Variants in ANKFN1 observed in about 807,000 individuals in gnomAD.
ANKFN1 encodes ankyrin repeat and fibronectin type III domain containing 1, also known as ankyrin repeat and fibronectin type-III domain-containing protein 1.
In ANKFN1, 74 loss-of-function variants were observed where a neutral mutation model predicts 108.7. The observed-to-expected ratio is 0.68, with a 90% CI of 0.56 to 0.83. The LOEUF (loss-of-function observed/expected upper bound fraction) is 0.83. Among genes scored for constraint, ANKFN1 ranks in the 40% least tolerant of loss-of-function variants. The probability of loss-of-function intolerance (pLI) is 0.00; values close to 1 mark genes in which losing one functional copy is unlikely to be tolerated. For synonymous variants in ANKFN1, 547 were observed against 516.2 expected, an observed-to-expected ratio of 1.06 and a Z score of -0.81; for missense variants, 1,505 against 1,382.3, an observed-to-expected ratio of 1.09 and a Z score of -1.41.
At chr17:56,066,762 C>G (rs1053629161) in intron 4 of ANKFN1, among the ~76,000 whole-genome samples, 5 of 152,146 alleles carry the variant, frequency 3.3e-5, no homozygotes, top group African/African-American at 9.7e-5. Context: ...TGGAAACCAC[C>G]ATTCTACTTT....
intron 3 of ANKFN1, among the ~76,000 whole-genome samples, chr17:56,278,662 C>G (rs2043995685): frequency 6.6e-6 from 1 of 152,110 alleles, no homozygotes; most frequent in South Asian, 2.1e-4. Flanking sequence ...AGTTCTATTT[C>G]AAAAACTAGA....
At chr17:56,349,110 A>G (rs2046181065) in intron 4 of ANKFN1, among the ~76,000 whole-genome samples, 1 of 152,316 alleles carries the variant, frequency 6.6e-6, no homozygotes, top group African/African-American at 2.4e-5. Flanking sequence ...CATTAGCCTC[A>G]GCAAACTAAT....
intron 7 of ANKFN1, among the ~76,000 whole-genome samples, chr17:56,373,092 C>T (rs2046854510): frequency 6.6e-6 from 1 of 152,196 alleles, no homozygotes; most frequent in Non-Finnish European, 1.5e-5. Flanking sequence ...ATGTCACACT[C>T]ATCTAGCACT....
chr17:56,289,830 T>G (rs1427730760), intron 3 of ANKFN1, among the ~76,000 whole-genome samples: 2 of 152,180 alleles, frequency 1.3e-5, no homozygotes, highest in East Asian at 3.9e-4. Flanking sequence ...TAATATGGAG[T>G]AACTGTTTCT....
chr17:56,094,982 T>G lies in ANKFN1; in HGVS notation c.288+48657T>G, dbSNP rs1033468150. 4.6e-5 allele frequency among the ~76,000 whole-genome samples: 7 copies of G among 151,174 alleles called. 1 individual carries two copies. The highest frequency in any genetic ancestry group is 1.7e-4 in the African/African-American group (7 of 41,164). ...AACTGAATTTTGGGTTAATTACAAA[T>G]AGCAGTAAGGGTTAAATTGTGCTCC... On this transcript the variant is annotated intron_variant, in intron 4 of 12. Transcript: ENST00000635860.
At chr17:56,398,361 TTAC>T (rs1375213672) in intron 8 of ANKFN1, among the ~76,000 whole-genome samples, 1 of 152,166 alleles carries the variant, frequency 6.6e-6, no homozygotes, top group Non-Finnish European at 1.5e-5. Context: ...CTCCTCTTTA[TTAC>T]TACACCAAGT....
At chr17:56,383,806 A>T (rs1204754144) in intron 8 of ANKFN1, among the ~76,000 whole-genome samples, 1 of 152,212 alleles carries the variant, frequency 6.6e-6, no homozygotes, top group East Asian at 1.9e-4. Flanking sequence ...TAAATAGACC[A>T]ATAACAGGCT....
At chr17:56,290,178 C>T (rs2044322858) in intron 3 of ANKFN1, among the ~76,000 whole-genome samples, 2 of 152,160 alleles carry the variant, frequency 1.3e-5, no homozygotes, top group African/African-American at 2.4e-5. Flanking sequence ...TTACCTTCTT[C>T]CTCCTGCTCA....
chr17:56,225,142 G>T (rs140548573), intron 2 of ANKFN1, among the ~76,000 whole-genome samples: 108 of 152,150 alleles, frequency 7.1e-4, no homozygotes, highest in African/African-American at 2.4e-3. Context: ...ACAAATGGTG[G>T]TCCCTCAAGT....
intron 1 of ANKFN1, among the ~76,000 whole-genome samples, chr17:56,204,529 T>C (rs1272426924): frequency 1.3e-5 from 2 of 151,678 alleles, no homozygotes; most frequent in Non-Finnish European, 1.5e-5. Flanking sequence ...TTAGTAGAGC[T>C]GGGGTTTCGC....
At chr17:56,420,933 C>T (rs1312703312) in intron 8 of ANKFN1, among the ~76,000 whole-genome samples, 1 of 152,092 alleles carries the variant, frequency 6.6e-6, no homozygotes, top group Non-Finnish European at 1.5e-5. Flanking sequence ...TGGTCTCGAT[C>T]TCCTGACCTC....
At chr17:56,396,222 C>G (rs2064126342) in intron 8 of ANKFN1, among the ~76,000 whole-genome samples, 2 of 152,154 alleles carry the variant, frequency 1.3e-5, no homozygotes, top group African/African-American at 4.8e-5. Context: ...CCAAGGCGGG[C>G]AGATCACTTG....
At chr17:56,221,161 G>A (rs1029865106) in intron 2 of ANKFN1, among the ~76,000 whole-genome samples, 2 of 152,042 alleles carry the variant, frequency 1.3e-5, no homozygotes, top group Non-Finnish European at 2.9e-5. Flanking sequence ...ACTTTTAAAT[G>A]ACCAGAACTC....
In ANKFN1 at chr17:56,514,403, C is replaced by G. The variant is rs2051856936; in HGVS notation, c.*3134C>G. 6.6e-6 allele frequency among the ~76,000 whole-genome samples: 1 copy of G among 152,174 alleles called. No homozygotes were observed. Among genetic ancestry groups the G allele is most frequent in the African/African-American group, 2.4e-5 (1 of 41,432 alleles). On this transcript the variant is annotated 3_prime_UTR_variant, in exon 21 of 21. Transcript: ENST00000682825. ...AAGAGGCAGGAGCCTGTCTCCTCAG[C>G]CAGGCAGACATAGTGCATGTTGGGC...
chr17:56,089,923 C>A (rs1393249568), intron 4 of ANKFN1, among the ~76,000 whole-genome samples: 3 of 151,250 alleles, frequency 2.0e-5, no homozygotes, highest in Non-Finnish European at 4.4e-5. Flanking sequence ...CATCTACTAC[C>A]ACCATGGCAA....
chr17:56,215,426 T>A (rs1175894523), intron 2 of ANKFN1, among the ~76,000 whole-genome samples: 1 of 152,140 alleles, frequency 6.6e-6, no homozygotes, highest in African/African-American at 2.4e-5. Flanking sequence ...GCAGACACAC[T>A]GAGAAGGCTG....
At chr17:56,291,806 G>A (rs561986482) in intron 3 of ANKFN1, among the ~76,000 whole-genome samples, 13 of 152,212 alleles carry the variant, frequency 8.5e-5, no homozygotes, top group African/African-American at 2.6e-4. Flanking sequence ...TAGCCTATTC[G>A]CTTATTTCTC....
intron 8 of ANKFN1, among the ~76,000 whole-genome samples, chr17:56,379,491 C>A (rs2144804478): frequency 6.6e-6 from 1 of 152,020 alleles, no homozygotes; most frequent in Middle Eastern, 3.4e-3. Flanking sequence ...TATGTCCTTA[C>A]AAATTCTTTT....
intron 3 of ANKFN1, among the ~76,000 whole-genome samples, chr17:56,253,757 A>G (rs2043291285): frequency 6.6e-6 from 1 of 152,154 alleles, no homozygotes; most frequent in South Asian, 2.1e-4. Context: ...AAAAATAAAA[A>G]GGCCAGAACA....
Sources: gnomAD v4.1 joint callset for allele counts (sites outside exome capture counted in the v4.1 genomes callset) on GRCh38, gnomAD v4.1.1 for gene constraint, MANE v1.5 for transcripts, NCBI Gene and HGNC (gene_info 2026-07-23, HGNC 2026-07-21) for gene names.